Variants in BBS7 observed in about 807,000 individuals in gnomAD.
The protein encoded by BBS7 is BBSome complex member BBS7.
A neutral mutation model predicts 90.3 loss-of-function variants in BBS7; 50 were observed. The observed-to-expected ratio is 0.55, with a 90% confidence interval of 0.44 to 0.70. The LOEUF is 0.70. Ranked by LOEUF, BBS7 falls within the 30% of genes least tolerant of loss-of-function variation. The probability of loss-of-function intolerance (pLI) is 0.00; values close to 1 mark genes in which losing one functional copy is unlikely to be tolerated. For synonymous variants in BBS7, 235 were observed against 287.4 expected (o/e 0.82, Z 1.85); for missense variants, 729 against 838.9 (o/e 0.87, Z 1.62).
chr4:121,837,704 G>A (rs961036361), intron 13 of BBS7, among the ~76,000 whole-genome samples: 3 of 152,048 alleles, frequency 2.0e-5, no homozygotes, highest in Admixed American at 6.6e-5. Context: ...TTTATCATAT[G>A]GCAAAGCAAG....
intron 10 of BBS7, among the ~76,000 whole-genome samples, chr4:121,845,906 C>T (rs1421941657): frequency 6.6e-6 from 1 of 152,092 alleles, no homozygotes; most frequent in Non-Finnish European, 1.5e-5. Flanking sequence ...ATTAAAATAT[C>T]TACTCATTCC....
intron 13 of BBS7, among the ~76,000 whole-genome samples, chr4:121,835,970 T>C (rs1725432527): frequency 1.3e-5 from 2 of 152,152 alleles, no homozygotes; most frequent in East Asian, 3.8e-4. Context: ...TCTACGTACA[T>C]GTACAAAAAA....
chr4:121,864,411 C>T lies in BBS7; in HGVS notation c.103-1132G>A, dbSNP rs533789337. On this transcript the variant is annotated intron_variant, in intron 2 of 18. Coordinates refer to ENST00000264499, the MANE Select transcript of BBS7 (RefSeq NM_176824.3). ...GAATGCAGTAAACAAATATGAAAAT[C>T]TATGTGTGTATGCTTATGCCAGGAC... Among the ~76,000 whole-genome samples, 16 of 152,248 alleles carry T rather than the reference C, an allele frequency of 1.1e-4. No individual in the cohort carries two copies. In the East Asian group the frequency reaches 2.9e-3, roughly 28 times the overall value.
chr4:121,842,126 C>T (rs551979556), intron 12 of BBS7, among the ~76,000 whole-genome samples: 46 of 151,402 alleles, frequency 3.0e-4, no homozygotes, highest in Non-Finnish European at 2.7e-4. Context: ...GTGGCGTGTG[C>T]GTGTAGTCCC....
chr4:121,835,468 C>T (rs966599332), intron 13 of BBS7, among the ~76,000 whole-genome samples, 185 bp from the exon 14 acceptor site: 2 of 152,194 alleles, frequency 1.3e-5, no homozygotes, highest in African/African-American at 4.8e-5. Flanking sequence ...ATGGGACAGA[C>T]TGTAGTACAT....
At chr4:121,860,241 T>A (rs1726903252) in intron 4 of BBS7, among the ~76,000 whole-genome samples, 1 of 152,106 alleles carries the variant, frequency 6.6e-6, no homozygotes, top group African/African-American at 2.4e-5. Context: ...CCAATCTGTA[T>A]TATATTTGCA....
At chr4:121,832,552 G>C (rs1725251672) in intron 15 of BBS7, among the ~76,000 whole-genome samples, 2 of 152,124 alleles carry the variant, frequency 1.3e-5, no homozygotes, top group Admixed American at 6.6e-5. Flanking sequence ...AAGTTGAGAG[G>C]AATTATTGGA....
Position 121,848,401 on chromosome 4 carries a change from G to GT in BBS7, c.934+442dup, listed in dbSNP as rs1352309423. Among the ~76,000 whole-genome samples, 4 of 152,144 alleles carry GT rather than the reference G, an allele frequency of 2.6e-5. No homozygotes were observed. The East Asian group carries it at 7.7e-4, about 29-fold the overall frequency. ...CCCTTTGTCCAACATATCACCTGCT[G>GT]TATATGATACCTGCTACCAGCCTAT... On this transcript the variant is annotated intron_variant, in intron 9 of 18. Transcript: ENST00000264499.
At chr4:121,839,522 T>C in intron 13 of BBS7, 109 bp downstream of exon 13, 2 of 951,710 alleles carry the variant, frequency 2.1e-6, no homozygotes, top group Admixed American at 2.0e-5. Context: ...AAACAATTCA[T>C]TTCAGGGAGA....
At chr4:121,869,588 G>C (rs1161773567) in intron 1 of BBS7, among the ~76,000 whole-genome samples, 1 of 152,162 alleles carries the variant, frequency 6.6e-6, no homozygotes, top group Non-Finnish European at 1.5e-5. Flanking sequence ...GCCCCAGCTG[G>C]AGTGCAGTGG....
At chr4:121,847,330 C>G (rs1726063505) in intron 10 of BBS7, 74 bp downstream of exon 10, 2 of 936,568 alleles carry the variant, frequency 2.1e-6, no homozygotes, top group Non-Finnish European at 1.7e-6. Context: ...TATACTGCAT[C>G]TATAAGTAAT....
intron 18 of BBS7, chr4:121,827,813 A>T: frequency 1.0e-6 from 1 of 977,036 alleles, no homozygotes; most frequent in Middle Eastern, 4.9e-4. Flanking sequence ...CATGACAATT[A>T]TTTGTGTGAA....
At chr4:121,836,808 C>A (rs1725479896) in intron 13 of BBS7, among the ~76,000 whole-genome samples, 1 of 152,070 alleles carries the variant, frequency 6.6e-6, no homozygotes, top group Non-Finnish European at 1.5e-5. Flanking sequence ...TCATCCTTGC[C>A]CCCTAGTGAT....
chr4:121,848,167 TGTAA>T (rs1307232762), intron 9 of BBS7, among the ~76,000 whole-genome samples: 9 of 152,214 alleles, frequency 5.9e-5, no homozygotes, highest in East Asian at 1.9e-4. Flanking sequence ...TTTTTAATGC[TGTAA>T]GTAAGAGTGA....
intron 14 of BBS7, among the ~76,000 whole-genome samples, chr4:121,834,361 G>A (rs1725341304): frequency 1.3e-5 from 2 of 152,176 alleles, no homozygotes; most frequent in African/African-American, 4.8e-5. Flanking sequence ...AAGCAAGACA[G>A]AAAGAGTCTG....
chr4:121,839,814 CT>C, intron 12 of BBS7, 118 bp from the exon 13 acceptor site: 1 of 809,188 alleles, frequency 1.2e-6, no homozygotes. Context: ...GTGCTCAGCG[CT>C]TTTCAAACAT....
At chr4:121,833,419 A>G (rs1272260840) in intron 14 of BBS7, 24 bp from the exon 15 acceptor site, 2 of 1,609,878 alleles carry the variant, frequency 1.2e-6, no homozygotes, top group East Asian at 4.5e-5. Context: ...GTAGAGGCGC[A>G]CATTTATGTG....
chr4:121,863,314 T>C, intron 2 of BBS7, 35 bp from the exon 3 acceptor site: 1 of 1,511,852 alleles, frequency 6.6e-7, no homozygotes, highest in Middle Eastern at 1.7e-4. Flanking sequence ...AAATTACTAT[T>C]ATTAATATTA....
chr4:121,855,119 C>T (rs540174524), intron 6 of BBS7, among the ~76,000 whole-genome samples: 4 of 151,996 alleles, frequency 2.6e-5, no homozygotes, highest in Non-Finnish European at 5.9e-5. Context: ...TCCAGACTAA[C>T]CTGGGCAACA....
Sources: allele counts gnomAD v4.1 joint callset (sites outside exome capture counted in the v4.1 genomes callset), GRCh38; gene constraint gnomAD v4.1.1; transcripts MANE v1.5; gene names NCBI Gene and HGNC (gene_info 2026-07-23, HGNC 2026-07-21).